The following RORB variants were observed in gnomAD, a reference collection of about 807,000 sequenced individuals.
RORB encodes nuclear receptor ROR-beta.
In RORB, 6 loss-of-function variants were observed where a neutral mutation model predicts 59.1. That is an observed-to-expected ratio of 0.10 (90% CI 0.06 to 0.20). The LOEUF (loss-of-function observed/expected upper bound fraction) is 0.20. RORB is among the 10% of genes least tolerant of loss of function. RORB has a pLI of 1.00. For synonymous variants in RORB, 215 were observed against 204.5 expected, an observed-to-expected ratio of 1.05 and a Z score of -0.44; for missense variants, 320 against 560.5, an observed-to-expected ratio of 0.57 and a Z score of 4.33.
At chr9:74,578,363 A>G (rs1192322190) in intron 1 of RORB, among the ~76,000 whole-genome samples, 1 of 152,164 alleles carries the variant, frequency 6.6e-6, no homozygotes, top group Non-Finnish European at 1.5e-5. Flanking sequence ...TGAAGATCCA[A>G]ACTGAACATC....
intron 4 of RORB, among the ~76,000 whole-genome samples, chr9:74,646,320 G>C (rs1823897885): frequency 6.6e-6 from 1 of 152,050 alleles, no homozygotes; most frequent in Non-Finnish European, 1.5e-5. Flanking sequence ...TCATGAGTTT[G>C]AAATTTTTGA....
At chr9:74,685,395 C>G in intron 9 of RORB, 68 bp from the exon 10 acceptor site, 1 of 1,300,946 alleles carries the variant, frequency 7.7e-7, no homozygotes, top group South Asian at 1.9e-5. Context: ...AGAAAGGACA[C>G]TGGTTCCACA....
intron 9 of RORB, among the ~76,000 whole-genome samples, chr9:74,672,990 T>TC (rs1329144937): frequency 2.0e-5 from 3 of 152,162 alleles, no homozygotes; most frequent in African/African-American, 4.8e-5. Flanking sequence ...ATAAAAAACC[T>TC]CCATGAGTTA....
At chr9:74,536,124 C>A (rs1347187567) in intron 1 of RORB, among the ~76,000 whole-genome samples, 1 of 151,982 alleles carries the variant, frequency 6.6e-6, no homozygotes, top group Non-Finnish European at 1.5e-5. Flanking sequence ...CAAGAAAAGA[C>A]AAGACTTTAT....
chr9:74,506,950 A>T (rs549207473), intron 1 of RORB, among the ~76,000 whole-genome samples: 1 of 152,220 alleles, frequency 6.6e-6, no homozygotes, highest in South Asian at 2.1e-4. Context: ...GAAGTGCATG[A>T]ATGATTTCAT....
chr9:74,574,661 T>C (rs1451350203), intron 1 of RORB, among the ~76,000 whole-genome samples: 1 of 152,116 alleles, frequency 6.6e-6, no homozygotes, highest in East Asian at 1.9e-4. Flanking sequence ...TCCAACCTTT[T>C]GGGATCTCCC....
chr9:74,502,422 C>T (rs1409937514), intron 1 of RORB, among the ~76,000 whole-genome samples: 1 of 152,046 alleles, frequency 6.6e-6, no homozygotes, highest in African/African-American at 2.4e-5. Flanking sequence ...TCAGCTATGA[C>T]ATCACCTTTT....
chr9:74,558,289 G>C (rs762609528), intron 1 of RORB, among the ~76,000 whole-genome samples: 1 of 152,090 alleles, frequency 6.6e-6, no homozygotes, highest in East Asian at 1.9e-4. Context: ...AGTTGAGCTC[G>C]AGCAGGATGG....
At chr9:74,610,885 A>G (rs771616258) in intron 1 of RORB, among the ~76,000 whole-genome samples, 1 of 152,214 alleles carries the variant, frequency 6.6e-6, no homozygotes, top group Non-Finnish European at 1.5e-5. Flanking sequence ...AAGAATCTAC[A>G]TGTTTAACAA....
intron 8 of RORB, among the ~76,000 whole-genome samples, chr9:74,670,388 T>C (rs1462470591): frequency 1.3e-5 from 2 of 152,142 alleles, no homozygotes; most frequent in East Asian, 1.9e-4. Flanking sequence ...ATTTAAGACA[T>C]GAAATATTAA....
At chr9:74,682,742 A>G (rs1824567401) in intron 9 of RORB, among the ~76,000 whole-genome samples, 1 of 152,182 alleles carries the variant, frequency 6.6e-6, no homozygotes, top group Non-Finnish European at 1.5e-5. Context: ...TTTCAAATTC[A>G]ATGTATAATT....
intron 3 of RORB, among the ~76,000 whole-genome samples, chr9:74,642,148 T>C (rs1823818196): frequency 1.3e-5 from 2 of 152,204 alleles, no homozygotes; most frequent in South Asian, 4.1e-4. Context: ...TCTAACTTCA[T>C]GGCAATGAGA....
At chr9:74,595,954 T>C (rs1822964456) in intron 1 of RORB, among the ~76,000 whole-genome samples, 1 of 152,152 alleles carries the variant, frequency 6.6e-6, no homozygotes, top group Admixed American at 6.5e-5. Flanking sequence ...ACATCTCAGC[T>C]CTATAGAGCC....
chr9:74,663,403 A>C (rs1446670825), intron 6 of RORB, among the ~76,000 whole-genome samples: 1 of 152,190 alleles, frequency 6.6e-6, no homozygotes, highest in Non-Finnish European at 1.5e-5. Context: ...CAGAGAAGTG[A>C]AGAGCTACAT....
intron 1 of RORB, among the ~76,000 whole-genome samples, chr9:74,607,056 G>T (rs1823160022): frequency 6.6e-6 from 1 of 152,110 alleles, no homozygotes; most frequent in Non-Finnish European, 1.5e-5. Context: ...TAGGTCCCAG[G>T]TGCAGCAGCT....
chr9:74,618,537 T>C (rs1823350048), intron 1 of RORB, among the ~76,000 whole-genome samples: 2 of 152,208 alleles, frequency 1.3e-5, no homozygotes, highest in South Asian at 4.1e-4. Flanking sequence ...TCTGCCGTCC[T>C]GGCTCGTCTC....
Position 74,590,975 on chromosome 9 carries a change from T to G in RORB, c.8-39307T>G, listed in dbSNP as rs188596037. Among the ~76,000 whole-genome samples, 1,412 of 152,242 alleles carry G rather than the reference T, an allele frequency of 9.3e-3. 11 individuals are homozygous for G. The highest frequency in any genetic ancestry group is 0.02 in the Admixed American group (309 of 15,296). ...CAGGCCCAGCTAACTTTTTGTATTT[T>G]TAGTACAGGTGGGGTTTCACCATGT... On this transcript the variant is annotated intron_variant, in intron 1 of 9. Coordinates refer to ENST00000376896, the MANE Select transcript of RORB (RefSeq NM_006914.4).
At chr9:74,650,932 G>A (rs556733729) in intron 4 of RORB, among the ~76,000 whole-genome samples, 1 of 152,128 alleles carries the variant, frequency 6.6e-6, no homozygotes, top group Non-Finnish European at 1.5e-5. Flanking sequence ...GTGGGGGAGA[G>A]ATTGCATCTG....
At chr9:74,502,086 A>G (rs2118014298) in intron 1 of RORB, among the ~76,000 whole-genome samples, 2 of 152,256 alleles carry the variant, frequency 1.3e-5, no homozygotes, top group East Asian at 1.9e-4. Context: ...CCAAATATGA[A>G]TGTTAACATT....
Sources: allele counts gnomAD v4.1 joint callset (sites outside exome capture counted in the v4.1 genomes callset), GRCh38; gene constraint gnomAD v4.1.1; transcripts MANE v1.5; gene names NCBI Gene and HGNC (gene_info 2026-07-23, HGNC 2026-07-21).